The following FRMD5 variants were observed in gnomAD, a reference collection of about 807,000 sequenced individuals.
FRMD5 encodes the protein FERM domain containing 5, also known as FERM domain-containing protein 5.
A neutral mutation model predicts 69.0 loss-of-function variants in FRMD5; 20 were observed. That is an observed-to-expected ratio of 0.29 (90% CI 0.20 to 0.42). The LOEUF (loss-of-function observed/expected upper bound fraction) is 0.42. FRMD5 is among the 10% of genes least tolerant of loss of function. FRMD5 has a pLI of 1.00. For synonymous variants in FRMD5, 271 were observed against 260.1 expected, an observed-to-expected ratio of 1.04 and a Z score of -0.40; for missense variants, 595 against 708.6, an observed-to-expected ratio of 0.84 and a Z score of 1.82.
At chr15:44,025,202 T>A (rs558070342) in intron 1 of FRMD5, among the ~76,000 whole-genome samples, 85 of 152,152 alleles carry the variant, frequency 5.6e-4, no homozygotes, top group African/African-American at 2.0e-3. Flanking sequence ...TATATACAAA[T>A]AACTATAATA....
intron 1 of FRMD5, among the ~76,000 whole-genome samples, chr15:44,130,781 T>C (rs922419673): frequency 9.2e-5 from 14 of 152,174 alleles, no homozygotes; most frequent in Admixed American, 3.9e-4. Context: ...ACAAAATGCA[T>C]AGATTTACAG....
intron 1 of FRMD5, among the ~76,000 whole-genome samples, chr15:44,070,923 G>C (rs1344908494): frequency 6.6e-6 from 1 of 152,048 alleles, no homozygotes; most frequent in East Asian, 1.9e-4. Flanking sequence ...GCCTTTTTAA[G>C]CTGCCAAAAA....
chr15:44,155,421 ACT>A (rs1247978206), intron 1 of FRMD5, among the ~76,000 whole-genome samples: 2 of 151,724 alleles, frequency 1.3e-5, no homozygotes, highest in East Asian at 1.9e-4. Context: ...ACAGAGCGAG[ACT>A]CTGTCTCAAA....
At chr15:44,036,035 G>C (rs1489529879) in intron 1 of FRMD5, among the ~76,000 whole-genome samples, 2 of 152,144 alleles carry the variant, frequency 1.3e-5, no homozygotes, top group Non-Finnish European at 2.9e-5. Context: ...CCTAAGAGAA[G>C]CCTCTGGCCA....
chr15:43,927,513 C>A (rs1188318813), intron 1 of FRMD5, among the ~76,000 whole-genome samples: 1 of 152,218 alleles, frequency 6.6e-6, no homozygotes, highest in African/African-American at 2.4e-5. Flanking sequence ...TACTTCTTCA[C>A]TGATGCCAAG....
intron 4 of FRMD5, among the ~76,000 whole-genome samples, chr15:43,912,743 C>T (rs185303140): frequency 4.0e-4 from 60 of 151,368 alleles, no homozygotes; most frequent in Admixed American, 1.1e-3. Flanking sequence ...TTGGGCCGGG[C>T]GCGGTGGCTC....
intron 1 of FRMD5, among the ~76,000 whole-genome samples, chr15:44,041,903 T>C (rs1327765908): frequency 6.6e-6 from 1 of 151,866 alleles, no homozygotes; most frequent in Non-Finnish European, 1.5e-5. Context: ...ATTCAAAAGC[T>C]AGCAGAAGAC....
At chr15:44,091,575 TGTGAACAA>T (rs1555402904) in intron 1 of FRMD5, among the ~76,000 whole-genome samples, 1 of 152,158 alleles carries the variant, frequency 6.6e-6, no homozygotes, top group Non-Finnish European at 1.5e-5. Flanking sequence ...AGCACATTAA[TGTGAACAA>T]GATTTTGTGA....
chr15:44,196,378 C>T (rs1350968116), upstream of FRMD5, among the ~76,000 whole-genome samples: 3 of 151,814 alleles, frequency 2.0e-5, no homozygotes, highest in Non-Finnish European at 2.9e-5. Flanking sequence ...GCAGGAGAAT[C>T]GCTTGAACCC....
At chr15:44,092,881 A>G (rs1476865541) in intron 1 of FRMD5, among the ~76,000 whole-genome samples, 1 of 146,872 alleles carries the variant, frequency 6.8e-6, no homozygotes, top group East Asian at 2.0e-4. Context: ...GGAAACTTTT[A>G]TCTTACTTTG....
At chr15:43,941,193 C>A (rs1050052777) in intron 1 of FRMD5, among the ~76,000 whole-genome samples, 3 of 152,076 alleles carry the variant, frequency 2.0e-5, no homozygotes, top group African/African-American at 7.2e-5. Flanking sequence ...ATGGTGAAAC[C>A]CCATCTCTAC....
At chr15:43,909,324 T>C (rs1481633798) in intron 5 of FRMD5, among the ~76,000 whole-genome samples, 3 of 150,980 alleles carry the variant, frequency 2.0e-5, no homozygotes, top group East Asian at 4.0e-4. Flanking sequence ...AGCTTGAACC[T>C]GGGGGGCAGA....
At chr15:43,905,405 G>C (rs1485791791) in intron 6 of FRMD5, among the ~76,000 whole-genome samples, 1 of 152,042 alleles carries the variant, frequency 6.6e-6, no homozygotes, top group East Asian at 1.9e-4. Context: ...CCAAAGTGCT[G>C]GGATTACAGC....
At chr15:43,885,578 G>C (rs887902769) in intron 11 of FRMD5, 103 bp downstream of exon 11, 6 of 956,914 alleles carry the variant, frequency 6.3e-6, no homozygotes, top group Non-Finnish European at 1.0e-5. Flanking sequence ...AGACTTTTCT[G>C]AGTCCTCCCT....
intron 1 of FRMD5, among the ~76,000 whole-genome samples, chr15:44,039,402 C>G (rs1439073318): frequency 6.6e-6 from 1 of 152,214 alleles, no homozygotes; most frequent in African/African-American, 2.4e-5. Context: ...TAGGGGCCAA[C>G]AGACATCTCA....
intron 1 of FRMD5, among the ~76,000 whole-genome samples, chr15:43,996,714 G>GGTTTTTT (rs1491101376): frequency 2.1e-5 from 1 of 48,078 alleles, no homozygotes; most frequent in Non-Finnish European, 4.0e-5. Flanking sequence ...CTCCTCAGCT[G>GGTTTTTT]ATTTTTTTTT....
At chr15:43,880,802 G>A (rs1423265093) in intron 13 of FRMD5, among the ~76,000 whole-genome samples, 2 of 152,190 alleles carry the variant, frequency 1.3e-5, no homozygotes, top group Non-Finnish European at 2.9e-5. Flanking sequence ...CTGGCCCTAG[G>A]GGGCCTATAC....
intron 10 of FRMD5, among the ~76,000 whole-genome samples, chr15:43,887,212 CCT>C (rs984306847): frequency 7.2e-5 from 11 of 152,256 alleles, no homozygotes; most frequent in Admixed American, 2.0e-4. Context: ...GGAGCAGGCC[CCT>C]GTCGGCTAGT....
intron 7 of FRMD5, among the ~76,000 whole-genome samples, chr15:43,897,213 C>T (rs1418895495): frequency 6.6e-6 from 1 of 152,040 alleles, no homozygotes; most frequent in East Asian, 1.9e-4. Context: ...GGGTGCTGGG[C>T]ATGGTGGCTC....
Sources: allele counts gnomAD v4.1 joint callset (sites outside exome capture counted in the v4.1 genomes callset), GRCh38; gene constraint gnomAD v4.1.1; transcripts MANE v1.5; gene names NCBI Gene and HGNC (gene_info 2026-07-23, HGNC 2026-07-21).